CENPP: variants seen among roughly 807,000 people sequenced by gnomAD.
The protein encoded by CENPP is centromere protein P.
In CENPP, 24 loss-of-function variants were observed where a neutral mutation model predicts 35.6. That is an observed-to-expected ratio of 0.67 (90% CI 0.49 to 0.95). CENPP has a LOEUF of 0.95. Among genes scored for constraint, CENPP ranks in the 40% least tolerant of loss-of-function variants. The probability of loss-of-function intolerance (pLI) is 0.00; values close to 1 mark genes in which losing one functional copy is unlikely to be tolerated. For synonymous variants in CENPP, 120 were observed against 125.5 expected (o/e 0.96, Z 0.29); for missense variants, 332 against 345.3 (o/e 0.96, Z 0.31).
At chr9:92,535,781 A>T (rs1849132910) in intron 5 of CENPP, among the ~76,000 whole-genome samples, 1 of 152,204 alleles carries the variant, frequency 6.6e-6, no homozygotes, top group Non-Finnish European at 1.5e-5. Flanking sequence ...CATCGTGAAA[A>T]AAACAAACAG....
At chr9:92,375,409 C>T (rs1183056028) in intron 4 of CENPP, among the ~76,000 whole-genome samples, 1 of 152,056 alleles carries the variant, frequency 6.6e-6, no homozygotes, top group Non-Finnish European at 1.5e-5. Flanking sequence ...TCTCCTGCCT[C>T]AGCCTCCTGA....
At chr9:92,570,055 A>G (rs1028107041) in intron 5 of CENPP, among the ~76,000 whole-genome samples, 3 of 152,056 alleles carry the variant, frequency 2.0e-5, no homozygotes, top group Non-Finnish European at 4.4e-5. Flanking sequence ...TTTTTTCCTA[A>G]TTGAATACCC....
intron 5 of CENPP, among the ~76,000 whole-genome samples, chr9:92,572,415 C>T (rs1211261545): frequency 6.6e-6 from 1 of 152,154 alleles, no homozygotes; most frequent in Non-Finnish European, 1.5e-5. Context: ...TGAATATCGG[C>T]CCCCACTCTC....
In CENPP at chr9:92,613,295, C is replaced by T. The variant is rs1851328440; in HGVS notation, c.*146C>T. 2 of 832,644 alleles carry T rather than the reference C, an allele frequency of 2.4e-6. No individual in the cohort carries two copies. Among genetic ancestry groups the T allele is most frequent in the Non-Finnish European group, 3.7e-6 (2 of 534,220 alleles). The allele number at this position is 832,644 out of a possible 1,614,324, so 51.6% of individuals were successfully genotyped here. On this transcript the variant is annotated 3_prime_UTR_variant, in exon 8 of 8. Transcript: ENST00000375587. Reference sequence around the variant, plus strand: ...AGTTATGGCACATTATATGGAAACTCTCATGACATGAAAAATAAATACAAC... The same window carrying T: ...AGTTATGGCACATTATATGGAAACTTTCATGACATGAAAAATAAATACAAC...
Position 92,616,183 on chromosome 9 carries a change from T to C in CENPP, c.*3034T>C. 1 of 666,018 alleles carries C rather than the reference T, an allele frequency of 1.5e-6. No individual in the cohort carries two copies. Among genetic ancestry groups the C allele is most frequent in the Non-Finnish European group, 2.6e-6 (1 of 388,792 alleles). The allele number at this position is 666,018 out of a possible 1,614,324, so 41.3% of individuals were successfully genotyped here. ...GTTTTTTCTTTGACTTCTGCAAAGT[T>C]AGATAAATCAATCTCTTTTAAAAGA... On this transcript the variant is annotated 3_prime_UTR_variant, in exon 8 of 8. Coordinates refer to ENST00000375587, the MANE Select transcript of CENPP (RefSeq NM_001012267.3).
chr9:92,597,467 T>C (rs1232810966), intron 5 of CENPP, among the ~76,000 whole-genome samples: 1 of 152,234 alleles, frequency 6.6e-6, no homozygotes, highest in Non-Finnish European at 1.5e-5. Flanking sequence ...TTAGACAGCA[T>C]TACTTTGAGA....
At chr9:92,462,977 G>T (rs977474166) in intron 5 of CENPP, among the ~76,000 whole-genome samples, 1 of 152,204 alleles carries the variant, frequency 6.6e-6, no homozygotes, top group Non-Finnish European at 1.5e-5. Context: ...GGGAACTGTT[G>T]TGTCCCTTAG....
At chr9:92,515,079 C>T in intron 5 of CENPP, 1 of 1,614,080 alleles carries the variant, frequency 6.2e-7, no homozygotes, top group Admixed American at 1.7e-5. Flanking sequence ...CTATTCGGTC[C>T]ATTCCCACCT....
At chr9:92,586,771 A>G (rs1850550834) in intron 5 of CENPP, among the ~76,000 whole-genome samples, 1 of 152,150 alleles carries the variant, frequency 6.6e-6, no homozygotes, top group Admixed American at 6.5e-5. Flanking sequence ...ATATTGTAAC[A>G]AAGACTTCAC....
intron 5 of CENPP, among the ~76,000 whole-genome samples, chr9:92,416,058 G>GTGTATATATATATA (rs6151074): frequency 2.3e-5 from 3 of 130,932 alleles, no homozygotes; most frequent in Non-Finnish European, 4.8e-5. Flanking sequence ...ATATATGTGT[G>GTGTATATATATATA]TATATATATA....
At chr9:92,598,500 C>T (rs1049019113) in intron 5 of CENPP, among the ~76,000 whole-genome samples, 1 of 152,096 alleles carries the variant, frequency 6.6e-6, no homozygotes, top group Non-Finnish European at 1.5e-5. Context: ...TTCATTTTCT[C>T]TGGGGTTGTG....
chr9:92,557,643 C>G (rs1034228417), intron 5 of CENPP, among the ~76,000 whole-genome samples: 1 of 151,948 alleles, frequency 6.6e-6, no homozygotes, highest in Admixed American at 6.6e-5. Context: ...TTTCGCATTT[C>G]TTTGTTTGTT....
At chr9:92,360,849 C>T (rs867923516) in intron 4 of CENPP, among the ~76,000 whole-genome samples, 52 of 151,766 alleles carry the variant, frequency 3.4e-4, no homozygotes, top group African/African-American at 1.1e-3. Flanking sequence ...GGACTACAGG[C>T]GCCCACCACC....
At position 92,613,058 on chromosome 9, in the gene CENPP, C is replaced by T. The variant is rs367714623; in HGVS notation, c.776C>T (p.Pro259Leu). 3 of 1,614,042 alleles carry T rather than the reference C, an allele frequency of 1.9e-6. No individual in the cohort carries two copies. Among genetic ancestry groups the T allele is most frequent in the African/African-American group, 2.7e-5 (2 of 74,938 alleles). ...AAGAACAGAGCCATAGAAACTGCTC[C>T]TCTCAGCTTCCGAACCCTGGTAGGA... is the stretch of plus-strand genomic sequence containing the variant. ...LDKNRAIETA[P>L]LSFRTLVGLL... The change falls in exon 8 of 8, where the codon CCT becomes CTT. Residue 259 changes from proline (P) to leucine (L), a missense_variant. Physicochemically the swap from Pro to Leu is moderately conservative, Grantham distance 98 (BLOSUM62 -3). Coordinates refer to ENST00000375587, the MANE Select transcript of CENPP (RefSeq NM_001012267.3).
At chr9:92,501,645 C>G (rs1846683619) in intron 5 of CENPP, among the ~76,000 whole-genome samples, 1 of 152,206 alleles carries the variant, frequency 6.6e-6, no homozygotes, top group Non-Finnish European at 1.5e-5. Flanking sequence ...CCTGAGTCTC[C>G]TAAGGCTTCT....
chr9:92,509,559 G>A (rs924094792), intron 5 of CENPP, among the ~76,000 whole-genome samples: 21 of 152,142 alleles, frequency 1.4e-4, no homozygotes, highest in South Asian at 6.2e-4. Context: ...CAAAATTGTC[G>A]ATCCATAACA....
intron 5 of CENPP, chr9:92,389,716 A>G (rs1588084993): frequency 4.9e-6 from 3 of 608,112 alleles, no homozygotes; most frequent in Non-Finnish European, 8.4e-6. Flanking sequence ...ATGGTTATTT[A>G]TTATGTAAAT....
chr9:92,351,485 A>G (rs576748577), intron 4 of CENPP, among the ~76,000 whole-genome samples: 1 of 119,806 alleles, frequency 8.3e-6, no homozygotes, highest in African/African-American at 3.9e-5. Context: ...CAAAAAAAAA[A>G]AAAAAAAACC....
chr9:92,413,287 A>G (rs570096573), intron 5 of CENPP, among the ~76,000 whole-genome samples: 2 of 151,966 alleles, frequency 1.3e-5, no homozygotes, highest in Non-Finnish European at 2.9e-5. Context: ...GCGCCCGACT[A>G]TATGTAACTA....
Sources: allele counts gnomAD v4.1 joint callset (sites outside exome capture counted in the v4.1 genomes callset), GRCh38; gene constraint gnomAD v4.1.1; transcripts MANE v1.5; gene names NCBI Gene and HGNC (gene_info 2026-07-23, HGNC 2026-07-21).